FRMPD4: variants seen among roughly 807,000 people sequenced by gnomAD.
FRMPD4 encodes FERM and PDZ domain-containing protein 4.
In FRMPD4, 22 loss-of-function variants were observed where a neutral mutation model predicts 94.1. The ratio of observed to expected loss-of-function variants is 0.23; its 90% CI spans 0.17 to 0.33. The LOEUF is 0.33. FRMPD4 is among the 10% of genes least tolerant of loss of function. FRMPD4 has a pLI of 1.00. For missense variants in FRMPD4, 1,111 were observed against 1,339.9 expected (o/e 0.83, Z 2.67); for synonymous variants, 631 against 548.6 (o/e 1.15, Z -2.10).
intron 14 of FRMPD4, among the ~76,000 whole-genome samples, chrX:12,712,377 C>T (rs113588845): frequency 0.026 from 2,882 of 110,407 alleles, 84 homozygotes; most frequent in African/African-American, 0.085. Flanking sequence ...AGGGAGACAT[C>T]GTCTCTACAA....
intron 3 of FRMPD4, among the ~76,000 whole-genome samples, chrX:12,111,163 C>T (rs1463514253): frequency 8.9e-6 from 1 of 111,790 alleles, no homozygotes; most frequent in African/African-American, 3.3e-5. Flanking sequence ...TACCTGACTT[C>T]AAACTATACT....
At chrX:11,987,321 A>G (rs776273552) in intron 3 of FRMPD4, among the ~76,000 whole-genome samples, 20 of 110,888 alleles carry the variant, frequency 1.8e-4, no homozygotes, top group Non-Finnish European at 3.0e-4. Flanking sequence ...GACAAAAAGC[A>G]TATGATTAGT....
chrX:12,335,364 G>A (rs1333874531), intron 1 of FRMPD4, among the ~76,000 whole-genome samples: 2 of 111,375 alleles, frequency 1.8e-5, no homozygotes, highest in Non-Finnish European at 3.8e-5. Context: ...CTGTACTCAA[G>A]CCATCCTCCT....
chrX:12,279,889 C>T lies in FRMPD4; in HGVS notation c.41+140877C>T, dbSNP rs1471677244. Among the ~76,000 whole-genome samples the T allele has an allele frequency of 4.5e-5, 5 of 111,204 alleles. No individual in the cohort carries two copies. In the East Asian group the frequency reaches 1.4e-3, roughly 31 times the overall value. On this transcript the variant is annotated intron_variant, in intron 1 of 16. Coordinates refer to ENST00000675598, the MANE Select transcript of FRMPD4 (RefSeq NM_001368397.1). ...CCATGAACACTGACTCTGGAAAGAA[C>T]CAGATGGCCTGGGCTCGATTCCAAC...
At chrX:12,673,327 C>G (rs188567464) in intron 4 of FRMPD4, among the ~76,000 whole-genome samples, 36 of 112,289 alleles carry the variant, frequency 3.2e-4, no homozygotes, top group African/African-American at 1.1e-3. Context: ...TGCTTTGTTT[C>G]TGTTTGTGCT....
chrX:11,877,370 G>A (rs933314608), intron 2 of FRMPD4, among the ~76,000 whole-genome samples: 3 of 111,874 alleles, frequency 2.7e-5, no homozygotes, highest in Admixed American at 1.9e-4. Flanking sequence ...ATATCCCATC[G>A]TGAGTTCTCA....
At chrX:12,443,281 G>A (rs1375051705) in intron 1 of FRMPD4, among the ~76,000 whole-genome samples, 3 of 111,789 alleles carry the variant, frequency 2.7e-5, no homozygotes, top group Admixed American at 9.5e-5. Flanking sequence ...TATATACAAC[G>A]CAAGCCACAT....
intron 3 of FRMPD4, among the ~76,000 whole-genome samples, chrX:11,985,770 A>T (rs923929961): frequency 1.8e-5 from 2 of 111,722 alleles, no homozygotes; most frequent in Non-Finnish European, 3.8e-5. Flanking sequence ...CTCTCTGGGG[A>T]TGAGTGGTGT....
intron 2 of FRMPD4, among the ~76,000 whole-genome samples, chrX:12,527,487 GTTTTTT>G (rs752107917): frequency 2.6e-5 from 2 of 77,451 alleles, no homozygotes; most frequent in East Asian, 7.7e-4. Context: ...CTGAGTTACA[GTTTTTT>G]TTTTTTTTTT....
chrX:12,681,640 G>A (rs1347499851), intron 5 of FRMPD4, among the ~76,000 whole-genome samples: 1 of 109,361 alleles, frequency 9.1e-6, no homozygotes, highest in Non-Finnish European at 1.9e-5. Flanking sequence ...GGTGTGGAGG[G>A]GAACTTTAGA....
chrX:11,915,093 AT>A (rs952956639), intron 3 of FRMPD4, among the ~76,000 whole-genome samples: 25 of 112,465 alleles, frequency 2.2e-4, no homozygotes, highest in African/African-American at 7.7e-4. Flanking sequence ...GTTGACTTTT[AT>A]TTCTTATTCC....
intron 1 of FRMPD4, among the ~76,000 whole-genome samples, chrX:12,463,147 T>G (rs1008905763): frequency 2.7e-5 from 3 of 111,870 alleles, no homozygotes; most frequent in Non-Finnish European, 5.6e-5. Flanking sequence ...AGGAATTCTT[T>G]CTACAAATTT....
At chrX:12,109,728 T>A (rs1461596737) in intron 3 of FRMPD4, among the ~76,000 whole-genome samples, 5 of 111,516 alleles carry the variant, frequency 4.5e-5, no homozygotes, top group African/African-American at 1.6e-4. Flanking sequence ...TAAAAAATGA[T>A]AAAGGGGATA....
intron 3 of FRMPD4, among the ~76,000 whole-genome samples, chrX:11,929,880 G>A (rs188063072): frequency 1.2e-3 from 134 of 109,762 alleles, no homozygotes; most frequent in African/African-American, 4.2e-3. Context: ...GGCCGAGGCT[G>A]GTGTATCACC....
chrX:12,300,603 A>C (rs1276913372), intron 1 of FRMPD4, among the ~76,000 whole-genome samples: 1 of 112,537 alleles, frequency 8.9e-6, no homozygotes, highest in African/African-American at 3.2e-5. Flanking sequence ...ATTATGAACA[A>C]ATGTGAGAAA....
intron 3 of FRMPD4, among the ~76,000 whole-genome samples, chrX:11,993,124 A>AT (rs913333101): frequency 3.7e-4 from 41 of 109,717 alleles, no homozygotes; most frequent in Non-Finnish European, 4.2e-4. Context: ...AGAATAGGTT[A>AT]TTTTTATATC....
At position 11,958,039 on chromosome X, in the gene FRMPD4, T is replaced by C. The variant is rs190652082; in HGVS notation, c.95+80021T>C. ...TTTAAAAGAACCCCCAATTGGTCTT[T>C]TGTTCAGTTACAATTTTTTGAGCAC... is the stretch of plus-strand genomic sequence containing the variant. On this transcript the variant is annotated intron_variant, in intron 3 of 18. Transcript: ENST00000640291. Among the ~76,000 whole-genome samples the C allele has an allele frequency of 2.7e-3, 305 of 112,244 alleles. 1 individual carries two copies. Among genetic ancestry groups the C allele is most frequent in the Non-Finnish European group, 3.8e-3 (204 of 53,211 alleles).
At chrX:11,985,378 G>T (rs1031888813) in intron 3 of FRMPD4, among the ~76,000 whole-genome samples, 3 of 111,751 alleles carry the variant, frequency 2.7e-5, no homozygotes, top group Non-Finnish European at 5.6e-5. Context: ...GAGACCTTGG[G>T]CCTTGAATAA....
At chrX:12,103,438 C>T (rs980632945) in intron 3 of FRMPD4, among the ~76,000 whole-genome samples, 5 of 111,652 alleles carry the variant, frequency 4.5e-5, no homozygotes, top group African/African-American at 9.8e-5. Context: ...CTGACTAACT[C>T]GGGTCAACAA....
Sources: allele counts gnomAD v4.1 joint callset (sites outside exome capture counted in the v4.1 genomes callset), GRCh38; gene constraint gnomAD v4.1.1; transcripts MANE v1.5; gene names NCBI Gene and HGNC (gene_info 2026-07-23, HGNC 2026-07-21).